The following DNTT variants were observed in gnomAD, a reference collection of about 807,000 sequenced individuals.
The protein encoded by DNTT is nucleosidetriphosphate:DNA deoxynucleotidylexotransferase.
Under a neutral mutation model 60.9 loss-of-function variants are expected in DNTT, and 47 were observed. The ratio of observed to expected loss-of-function variants is 0.77; its 90% CI spans 0.61 to 0.98. DNTT has a LOEUF of 0.98. DNTT is among the 50% of genes least tolerant of loss of function. The probability of loss-of-function intolerance (pLI) is 0.00; values close to 1 mark genes in which losing one functional copy is unlikely to be tolerated. For missense variants in DNTT, 665 were observed against 627.5 expected (o/e 1.06, Z -0.64); for synonymous variants, 224 against 221.2 (o/e 1.01, Z -0.11).
rs547856852 is a variant in DNTT, at chr10:96,320,221, G to A, written c.508-397G>A. The stretch of plus-strand genomic sequence containing the variant: ...CTACACTCATTCATTCAACAAGCCT[G>A]TGTTAAGTGCTGTGTTTCATGGGGC... On this transcript the variant is annotated intron_variant, in intron 3 of 10. Transcript: ENST00000371174. Among the ~76,000 whole-genome samples, 3 of 152,340 alleles carry A rather than the reference G, an allele frequency of 2.0e-5. No individual in the cohort carries two copies. In the East Asian group the frequency reaches 5.8e-4, roughly 29 times the overall value.
intron 1 of DNTT, among the ~76,000 whole-genome samples, chr10:96,311,381 T>C (rs1434487614): frequency 6.6e-6 from 1 of 152,182 alleles, no homozygotes; most frequent in Non-Finnish European, 1.5e-5. Context: ...AAGGAGTCTA[T>C]ACCCAGGCAA....
intron 6 of DNTT, among the ~76,000 whole-genome samples, chr10:96,325,270 T>C (rs1436539606): frequency 1.3e-5 from 2 of 152,190 alleles, no homozygotes; most frequent in Non-Finnish European, 2.9e-5. Context: ...AGATTGCTAA[T>C]AATACAATGC....
At position 96,333,163 on chromosome 10, in the gene DNTT, G is replaced by T. The variant is rs139887108; in HGVS notation, c.1359+567G>T. Among the ~76,000 whole-genome samples, 1,113 of 152,300 alleles carry T rather than the reference G, an allele frequency of 7.3e-3. 6 individuals are homozygous for T. Among genetic ancestry groups the T allele is most frequent in the Middle Eastern group, 0.017 (5 of 294 alleles). On this transcript the variant is annotated intron_variant, in intron 9 of 10. Coordinates refer to ENST00000371174, the MANE Select transcript of DNTT (RefSeq NM_004088.4). ...CTATTTAAAAATGGGCAAAGGACTT[G>T]AATAGATATTTCTCAAAAGAAGACA...
Position 96,321,324 on chromosome 10 carries a change from C to G in DNTT, c.678+536C>G, listed in dbSNP as rs974191992. The stretch of plus-strand genomic sequence containing the variant: ...TTGACTTGGGGTATATGTTGGCATA[C>G]TTCTGGGGTCCTGCGTCACTTTTCC... On this transcript the variant is annotated intron_variant, in intron 4 of 10. Transcript: ENST00000371174. Among the ~76,000 whole-genome samples the G allele has an allele frequency of 2.0e-5, 3 of 152,114 alleles. No homozygotes were observed. The South Asian group carries it at 6.2e-4, about 32-fold the overall frequency.
intron 1 of DNTT, among the ~76,000 whole-genome samples, chr10:96,306,023 A>C (rs1844630429): frequency 6.6e-6 from 1 of 152,176 alleles, no homozygotes; most frequent in African/African-American, 2.4e-5. Flanking sequence ...CTGATATTAC[A>C]GACTTACATA....
rs1564875132 is a variant in DNTT at position 96,332,559 on chromosome 10, G to GT, written c.1323dup (p.Arg442SerfsTer15). The GT allele has an allele frequency of 1.2e-6, 2 of 1,614,142 alleles. No homozygotes were observed. Among genetic ancestry groups the GT allele is most frequent in the South Asian group, 2.2e-5 (2 of 91,084 alleles). On this transcript the variant is annotated frameshift_variant, in exon 9 of 11. Coordinates refer to ENST00000371174, the MANE Select transcript of DNTT (RefSeq NM_004088.4). LOFTEE classifies it high-confidence loss of function. ...GATTTAGTTCTGTGCCCCTACGAGC[G>GT]TCGTGCCTTTGCCCTGTTGGGATGG...
chr10:96,330,669 T>C (rs1844997142), intron 8 of DNTT, among the ~76,000 whole-genome samples: 1 of 152,190 alleles, frequency 6.6e-6, no homozygotes, highest in Non-Finnish European at 1.5e-5. Context: ...AGATAATGTC[T>C]TGTGCAGGTT....
chr10:96,324,524 A>G, intron 6 of DNTT, 135 bp downstream of exon 6: 2 of 1,358,592 alleles, frequency 1.5e-6, no homozygotes, highest in Non-Finnish European at 2.0e-6. Context: ...CTTGGATCTA[A>G]ATCCTAGCTC....
intron 1 of DNTT, among the ~76,000 whole-genome samples, chr10:96,311,146 T>C (rs1844709951): frequency 6.6e-6 from 1 of 152,240 alleles, no homozygotes; most frequent in Non-Finnish European, 1.5e-5. Flanking sequence ...CAAAACTGCA[T>C]GATCTTTCTG....
intron 1 of DNTT, among the ~76,000 whole-genome samples, chr10:96,315,883 T>G (rs990526486): frequency 6.6e-6 from 1 of 152,168 alleles, no homozygotes; most frequent in East Asian, 1.9e-4. Context: ...ATAAATAAAT[T>G]TTGAAATAAT....
At position 96,338,176 on chromosome 10, in the gene DNTT, T is replaced by C; in HGVS notation, c.1482T>C (p.Phe494=). The change falls in exon 11 of 11, where the codon TTT becomes TTC. Residue 494 remains phenylalanine, a synonymous_variant. Coordinates refer to ENST00000371174, the MANE Select transcript of DNTT (RefSeq NM_004088.4). ...AAGCAGAAAGTGAAGAAGAAATTTT[T>C]GCGCATCTGGGATTGGATTATATTG... is the stretch of plus-strand genomic sequence containing the variant. The part of the protein sequence containing the change: ...FLKAESEEEI[F]AHLGLDYIEP... The C allele has an allele frequency of 6.2e-7, 1 of 1,613,490 alleles. No individual in the cohort carries two copies. Among genetic ancestry groups the C allele is most frequent in the Non-Finnish European group, 8.5e-7 (1 of 1,179,878 alleles).
chr10:96,321,397 T>G (rs1844875283), intron 4 of DNTT, among the ~76,000 whole-genome samples: 1 of 152,100 alleles, frequency 6.6e-6, no homozygotes, highest in Non-Finnish European at 1.5e-5. Flanking sequence ...AGTGCCCTCC[T>G]TGTGCTTGGG....
intron 6 of DNTT, among the ~76,000 whole-genome samples, chr10:96,324,609 A>G (rs1844919456): frequency 6.6e-6 from 1 of 152,222 alleles, no homozygotes; most frequent in African/African-American, 2.4e-5. Context: ...TCTATGAAAG[A>G]GAGATAACAT....
At chr10:96,320,519 G>A in intron 3 of DNTT, 99 bp from the exon 4 acceptor site, 1 of 1,369,398 alleles carries the variant, frequency 7.3e-7, no homozygotes, top group Non-Finnish European at 1.0e-6. Flanking sequence ...CACGCAAGTG[G>A]TATTCCAATA....
chr10:96,316,974 C>CA (rs1208974425), intron 1 of DNTT, among the ~76,000 whole-genome samples: 3 of 151,742 alleles, frequency 2.0e-5, no homozygotes, highest in Admixed American at 6.6e-5. Context: ...CAGATTCTAT[C>CA]AAAAAAAGAA....
intron 1 of DNTT, among the ~76,000 whole-genome samples, chr10:96,317,715 C>A (rs1844803684): frequency 6.6e-6 from 1 of 152,198 alleles, no homozygotes; most frequent in African/African-American, 2.4e-5. Context: ...TGGGTGCCAT[C>A]TATGAAGAAT....
rs941842694 is a variant in DNTT at position 96,304,562 on chromosome 10, T to C, written c.65T>C (p.Leu22Ser). Residue 22 changes from leucine (L) to serine (S), a missense_variant, in exon 1 of 11, where the codon TTG becomes TCG. Leu to Ser is a moderately radical substitution (Grantham distance 145). Coordinates refer to ENST00000371174, the MANE Select transcript of DNTT (RefSeq NM_004088.4). The stretch of plus-strand genomic sequence containing the variant: ...AAGAGACCCCGGCAGACGGGTGCCT[T>C]GATGGCCTCCTCTCCTCAAGACATC... ...RKKRPRQTGA[L>S]MASSPQDIKF... The C allele has an allele frequency of 3.1e-6, 5 of 1,614,006 alleles. No homozygotes were observed. The African/African-American group carries it at 6.7e-5, about 22-fold the overall frequency.
rs577206159 is a variant in DNTT at position 96,314,878 on chromosome 10, C to T, written c.204-3474C>T. Among the ~76,000 whole-genome samples, 10 of 152,212 alleles carry T rather than the reference C, an allele frequency of 6.6e-5. No individual in the cohort carries two copies. In the South Asian group the frequency reaches 2.1e-3, roughly 32 times the overall value. ...AGTGTTCAGAGCAGAGAGAAAACCA[C>T]TGTACCAGCAAATAGACAAACAGCT... On this transcript the variant is annotated intron_variant, in intron 1 of 10. Transcript: ENST00000371174.
intron 5 of DNTT, 50 bp downstream of exon 5, chr10:96,322,778 ATTAC>A: frequency 6.8e-7 from 1 of 1,463,938 alleles, no homozygotes; most frequent in Non-Finnish European, 9.4e-7. Flanking sequence ...AGTTAATCTT[ATTAC>A]TTATTCTGGC....
Sources: allele counts gnomAD v4.1 joint callset (sites outside exome capture counted in the v4.1 genomes callset), GRCh38; gene constraint gnomAD v4.1.1; transcripts MANE v1.5; gene names NCBI Gene and HGNC (gene_info 2026-07-23, HGNC 2026-07-21).